KLHL1: variants seen among roughly 807,000 people sequenced by gnomAD.
KLHL1 encodes kelch like family member 1, also known as kelch-like protein 1.
In KLHL1, 47 loss-of-function variants were observed where a neutral mutation model predicts 77.7. That is an observed-to-expected ratio of 0.60 (90% CI 0.48 to 0.77). The LOEUF is 0.77. KLHL1 is among the 30% of genes least tolerant of loss of function. KLHL1 has a pLI of 0.00. For missense variants in KLHL1, 925 were observed against 910.8 expected, an observed-to-expected ratio of 1.02 and a Z score of -0.20; for synonymous variants, 360 against 325.2, an observed-to-expected ratio of 1.11 and a Z score of -1.15.
intron 1 of KLHL1, among the ~76,000 whole-genome samples, chr13:70,013,539 A>C (rs1359648452): frequency 6.6e-6 from 1 of 152,202 alleles, no homozygotes; most frequent in Admixed American, 6.5e-5. Context: ...CATGAAGTTG[A>C]AGCATTGTTC....
intron 3 of KLHL1, among the ~76,000 whole-genome samples, chr13:69,956,132 T>C (rs1399526827): frequency 7.0e-6 from 1 of 142,504 alleles, no homozygotes; most frequent in African/African-American, 2.5e-5. Flanking sequence ...ATATTTGATA[T>C]ATATGATATA....
chr13:69,905,146 T>C (rs1246144432), intron 4 of KLHL1, among the ~76,000 whole-genome samples: 1 of 152,146 alleles, frequency 6.6e-6, no homozygotes, highest in East Asian at 1.9e-4. Flanking sequence ...ATAGATTATG[T>C]TTGTCATAAA....
intron 4 of KLHL1, among the ~76,000 whole-genome samples, chr13:69,939,760 T>A (rs565112613): frequency 6.6e-6 from 1 of 152,232 alleles, no homozygotes; most frequent in South Asian, 2.1e-4. Flanking sequence ...ACCCTACACA[T>A]CTCTTCATCT....
chr13:69,796,953 G>T lies in KLHL1; in HGVS notation c.1424C>A (p.Thr475Asn). The T allele has an allele frequency of 2.5e-6, 4 of 1,613,454 alleles. No homozygotes were observed. Among genetic ancestry groups the T allele is most frequent in the Non-Finnish European group, 3.4e-6 (4 of 1,179,514 alleles). Residue 475 changes from threonine to asparagine, a missense_variant, in exon 7 of 11, where the codon ACT becomes AAT. Physicochemically the swap from Thr to Asn is moderately conservative, Grantham distance 65. Transcript: ENST00000377844. ...TGTTCTCAGATCATATTTCTCTATA[G>T]TTGTAGCTCCTGATAAAACATAAAA... ...GGMDNNKGAT[T>N]IEKYDLRTNL...
At chr13:70,031,646 G>C (rs562425540) in intron 1 of KLHL1, among the ~76,000 whole-genome samples, 1 of 152,258 alleles carries the variant, frequency 6.6e-6, no homozygotes, top group Admixed American at 6.5e-5. Context: ...ACAGGATCCT[G>C]AGCAGGATGG....
intron 1 of KLHL1, among the ~76,000 whole-genome samples, chr13:69,979,022 A>C (rs927460202): frequency 8.5e-5 from 13 of 152,240 alleles, no homozygotes; most frequent in African/African-American, 2.6e-4. Context: ...AAAGTCAAAA[A>C]GTTAACTACT....
intron 8 of KLHL1, among the ~76,000 whole-genome samples, chr13:69,738,311 G>C (rs1777610984): frequency 6.6e-6 from 1 of 152,128 alleles, no homozygotes; most frequent in African/African-American, 2.4e-5. Flanking sequence ...CAAAAATGCT[G>C]AAAACTCAAA....
chr13:69,934,962 G>GTGTATATATATATATA (rs372646811), intron 4 of KLHL1, among the ~76,000 whole-genome samples: 10 of 129,800 alleles, frequency 7.7e-5, no homozygotes, highest in African/African-American at 2.1e-4. Flanking sequence ...GTGTGCATGT[G>GTGTATATATATATATA]TATATATATA....
intron 1 of KLHL1, among the ~76,000 whole-genome samples, chr13:70,098,287 A>G (rs898844081): frequency 3.3e-5 from 5 of 151,884 alleles, no homozygotes; most frequent in African/African-American, 1.2e-4. Flanking sequence ...GTAATTTAGA[A>G]AAGCTATAAG....
At chr13:70,000,296 A>G (rs1187306418) in intron 1 of KLHL1, among the ~76,000 whole-genome samples, 1 of 152,096 alleles carries the variant, frequency 6.6e-6, no homozygotes, top group African/African-American at 2.4e-5. Flanking sequence ...GCTCATGTTT[A>G]TCAAAGAGTC....
intron 1 of KLHL1, among the ~76,000 whole-genome samples, chr13:70,020,072 G>A (rs1885751362): frequency 6.6e-6 from 1 of 152,000 alleles, no homozygotes; most frequent in South Asian, 2.1e-4. Flanking sequence ...CCTTGATCTT[G>A]GACTTCACAG....
intron 10 of KLHL1, among the ~76,000 whole-genome samples, chr13:69,706,987 C>T (rs1875656372): frequency 6.6e-6 from 1 of 151,906 alleles, no homozygotes; most frequent in Non-Finnish European, 1.5e-5. Context: ...GGCATAATGC[C>T]TCACCTAAGA....
intron 1 of KLHL1, among the ~76,000 whole-genome samples, chr13:70,091,247 T>G (rs1204376886): frequency 6.6e-6 from 1 of 152,122 alleles, no homozygotes; most frequent in Non-Finnish European, 1.5e-5. Context: ...TGTACCTACT[T>G]TGTCAATGTC....
chr13:69,964,677 C>G (rs1027642507), intron 2 of KLHL1, among the ~76,000 whole-genome samples: 1 of 152,114 alleles, frequency 6.6e-6, no homozygotes, highest in Non-Finnish European at 1.5e-5. Flanking sequence ...ATTTTACACT[C>G]AATTTTTGTT....
chr13:70,020,375 T>C (rs1885758972), intron 1 of KLHL1, among the ~76,000 whole-genome samples: 1 of 152,296 alleles, frequency 6.6e-6, no homozygotes, highest in African/African-American at 2.4e-5. Context: ...AACATGTATG[T>C]ATATTTTGCT....
chr13:69,787,298 G>A (rs891986262), intron 7 of KLHL1, among the ~76,000 whole-genome samples: 1 of 152,118 alleles, frequency 6.6e-6, no homozygotes, highest in Non-Finnish European at 1.5e-5. Context: ...CATGGTACTG[G>A]TACCAAAACA....
chr13:69,947,549 T>C (rs1883571446), intron 3 of KLHL1, among the ~76,000 whole-genome samples: 1 of 151,832 alleles, frequency 6.6e-6, no homozygotes, highest in Admixed American at 6.6e-5. Flanking sequence ...ATCTCTCAAT[T>C]ATTTCCCCAA....
intron 8 of KLHL1, among the ~76,000 whole-genome samples, chr13:69,736,383 A>T (rs1456069477): frequency 1.3e-5 from 2 of 151,878 alleles, no homozygotes; most frequent in Non-Finnish European, 2.9e-5. Flanking sequence ...CCAAAGATTT[A>T]AAAAAAACAG....
At chr13:69,982,576 CCAAA>C (rs1401823355) in intron 1 of KLHL1, among the ~76,000 whole-genome samples, 1 of 150,946 alleles carries the variant, frequency 6.6e-6, no homozygotes, top group African/African-American at 2.4e-5. Flanking sequence ...AAAGAATCTA[CCAAA>C]CAACCAGAAA....
Sources: gnomAD v4.1 joint callset for allele counts (sites outside exome capture counted in the v4.1 genomes callset) on GRCh38, gnomAD v4.1.1 for gene constraint, MANE v1.5 for transcripts, NCBI Gene and HGNC (gene_info 2026-07-23, HGNC 2026-07-21) for gene names.